PLCH1: variants seen among roughly 807,000 people sequenced by gnomAD.
PLCH1 encodes the protein phospholipase C eta 1.
PLCH1 carries 60 observed loss-of-function variants against 126.7 expected under a neutral mutation model. The ratio of observed to expected loss-of-function variants is 0.47; its 90% CI spans 0.38 to 0.59. The LOEUF is 0.59. PLCH1 is among the 20% of genes least tolerant of loss of function. The pLI is 0.00. For missense variants in PLCH1, 1,723 were observed against 2,040.0 expected, an observed-to-expected ratio of 0.84 and a Z score of 2.99; for synonymous variants, 719 against 734.9, an observed-to-expected ratio of 0.98 and a Z score of 0.35.
intron 10 of PLCH1, among the ~76,000 whole-genome samples, chr3:155,543,135 T>A (rs966444231): frequency 1.3e-5 from 2 of 152,042 alleles, no homozygotes; most frequent in African/African-American, 4.8e-5. Context: ...AGTTGAAAAC[T>A]TTGAAAAAAA....
At chr3:155,701,372 T>C (rs1746259998) in intron 2 of PLCH1, among the ~76,000 whole-genome samples, 1 of 152,204 alleles carries the variant, frequency 6.6e-6, no homozygotes, top group Non-Finnish European at 1.5e-5. Context: ...TTGCTGCTAT[T>C]GACCATTTTA....
At chr3:155,605,960 C>T (rs1484269599) in intron 2 of PLCH1, among the ~76,000 whole-genome samples, 2 of 150,762 alleles carry the variant, frequency 1.3e-5, no homozygotes, top group Admixed American at 1.3e-4. Flanking sequence ...AAAATATCTT[C>T]GTGGGAGGGA....
At chr3:155,584,362 A>G (rs967933695) in intron 5 of PLCH1, among the ~76,000 whole-genome samples, 3 of 152,232 alleles carry the variant, frequency 2.0e-5, no homozygotes, top group Non-Finnish European at 2.9e-5. Flanking sequence ...TAATTCTCCA[A>G]AGATAGAGTT....
chr3:155,631,902 C>CTTTTTTT (rs60843505), intron 2 of PLCH1, among the ~76,000 whole-genome samples: 3 of 140,842 alleles, frequency 2.1e-5, no homozygotes, highest in African/African-American at 2.6e-5. Context: ...ACAAGAACTC[C>CTTTTTTT]TTTTTTTTTT....
At chr3:155,500,385 G>C (rs1717716298) in intron 14 of PLCH1, among the ~76,000 whole-genome samples, 1 of 152,116 alleles carries the variant, frequency 6.6e-6, no homozygotes, top group Non-Finnish European at 1.5e-5. Context: ...CCTAACATGG[G>C]CTTAGCATCC....
At chr3:155,591,370 A>T (rs1302881741) in intron 4 of PLCH1, among the ~76,000 whole-genome samples, 1 of 152,178 alleles carries the variant, frequency 6.6e-6, no homozygotes, top group Admixed American at 6.5e-5. Context: ...CTCAAAGTAT[A>T]GTCCTGGAGG....
At chr3:155,699,004 C>G (rs985678006) in intron 2 of PLCH1, among the ~76,000 whole-genome samples, 11 of 141,918 alleles carry the variant, frequency 7.8e-5, no homozygotes, top group Non-Finnish European at 1.5e-4. Flanking sequence ...TTTTTTTTAA[C>G]TCTTCCTCTC....
intron 13 of PLCH1, among the ~76,000 whole-genome samples, chr3:155,502,067 T>C (rs1479319464): frequency 6.6e-6 from 1 of 152,124 alleles, no homozygotes; most frequent in Non-Finnish European, 1.5e-5. Flanking sequence ...TCAACTTCTC[T>C]CTATTTCAGT....
chr3:155,580,825 T>G (rs764741031), intron 6 of PLCH1, among the ~76,000 whole-genome samples: 1 of 152,210 alleles, frequency 6.6e-6, no homozygotes, highest in African/African-American at 2.4e-5. Context: ...AAGCATGTTG[T>G]TTTACTTCTT....
At chr3:155,743,058 T>C in intron 1 of PLCH1, 1 of 289,100 alleles carries the variant, frequency 3.5e-6, no homozygotes, top group Non-Finnish European at 6.8e-6. Context: ...AAATAGCAAC[T>C]AGGTACCAAT....
chr3:155,621,029 C>T (rs6802975), intron 2 of PLCH1, among the ~76,000 whole-genome samples: 73,829 of 151,956 alleles, frequency 0.49, 20,325 homozygotes, highest in African/African-American at 0.74. Context: ...TCGCATCTGG[C>T]GGGTGCCCCT....
chr3:155,488,855 A>G, intron 19 of PLCH1, 49 bp from the exon 20 acceptor site: 1 of 1,538,584 alleles, frequency 6.5e-7, no homozygotes, highest in Non-Finnish European at 8.8e-7. Context: ...GACTTGGCTG[A>G]AAATGAGTTG....
At chr3:155,456,228 T>G (rs1285894380) in intron 21 of PLCH1, among the ~76,000 whole-genome samples, 3 of 152,002 alleles carry the variant, frequency 2.0e-5, no homozygotes, top group Admixed American at 1.3e-4. Context: ...TGATCATCAT[T>G]TAAATAGGGG....
chr3:155,486,347 A>T (rs1007966190), intron 21 of PLCH1: 20 of 600,024 alleles, frequency 3.3e-5, no homozygotes, highest in Non-Finnish European at 4.4e-5. Context: ...TCTTATGCTC[A>T]TTCATTGTTC....
intron 1 of PLCH1, among the ~76,000 whole-genome samples, chr3:155,729,490 T>C (rs1209753346): frequency 6.6e-6 from 1 of 152,168 alleles, no homozygotes; most frequent in African/African-American, 2.4e-5. Flanking sequence ...GAGGAGAATA[T>C]GGGAGGGTTG....
chr3:155,607,452 G>GT lies in PLCH1; in HGVS notation c.80-11075dup, dbSNP rs545585644. ...TGGTAAATAAATACAATGTTTATTT[G>GT]TTTTTTTTTCTTTTGAGACAGCTTG... On this transcript the variant is annotated intron_variant, in intron 2 of 22. Transcript: ENST00000460012. Among the ~76,000 whole-genome samples, 198 of 150,670 alleles carry GT rather than the reference G, an allele frequency of 1.3e-3. 1 individual carries two copies. Among genetic ancestry groups the GT allele is most frequent in the Admixed American group, 3.7e-3 (56 of 15,124 alleles).
At chr3:155,498,110 G>A (rs1330931293) in intron 14 of PLCH1, among the ~76,000 whole-genome samples, 2 of 152,194 alleles carry the variant, frequency 1.3e-5, no homozygotes, top group African/African-American at 2.4e-5. Flanking sequence ...CCTTTGTCCA[G>A]CATATCCATG....
Position 155,610,217 on chromosome 3 carries a change from C to G in PLCH1, c.80-13839G>C, listed in dbSNP as rs567272806. ...TCTAATAAAAATACAAAAAATTGGC[C>G]GGGCATGGTTGCACATGCCTATAAT... On this transcript the variant is annotated intron_variant, in intron 2 of 22. Coordinates refer to ENST00000460012, the MANE Select transcript of PLCH1 (RefSeq NM_014996.4). Among the ~76,000 whole-genome samples the G allele has an allele frequency of 5.9e-5, 9 of 151,820 alleles. No individual in the cohort carries two copies. The East Asian group carries it at 1.7e-3, about 29-fold the overall frequency.
At chr3:155,452,527 T>C (rs1479524653) in intron 21 of PLCH1, among the ~76,000 whole-genome samples, 1 of 152,156 alleles carries the variant, frequency 6.6e-6, no homozygotes, top group Non-Finnish European at 1.5e-5. Context: ...AAGACACTAA[T>C]GACTCTATCT....
Sources: gnomAD v4.1 joint callset for allele counts (sites outside exome capture counted in the v4.1 genomes callset) on GRCh38, gnomAD v4.1.1 for gene constraint, MANE v1.5 for transcripts, NCBI Gene and HGNC (gene_info 2026-07-23, HGNC 2026-07-21) for gene names.